The following AIG1 variants were observed in gnomAD, a reference collection of about 807,000 sequenced individuals.
AIG1 encodes androgen-induced gene 1 protein.
AIG1 carries 23 observed loss-of-function variants against 31.4 expected under a neutral mutation model. That is an observed-to-expected ratio of 0.73 (90% CI 0.53 to 1.04). The LOEUF (loss-of-function observed/expected upper bound fraction) is 1.04, where lower values mean the gene tolerates loss of function less well. Ranked by LOEUF, AIG1 falls within the 50% of genes least tolerant of loss-of-function variation. The pLI, the probability that AIG1 is intolerant of heterozygous loss-of-function variation, is 0.00. For missense variants in AIG1, 274 were observed against 295.0 expected (o/e 0.93, Z 0.52); for synonymous variants, 100 against 110.5 (o/e 0.90, Z 0.60).
At chr6:143,232,863 C>T (rs954402651) in intron 3 of AIG1, among the ~76,000 whole-genome samples, 6 of 152,154 alleles carry the variant, frequency 3.9e-5, no homozygotes, top group Non-Finnish European at 4.4e-5. Context: ...CCTATCAGTA[C>T]ATGTTTATGT....
At chr6:143,270,267 C>T (rs1796419876) in intron 3 of AIG1, among the ~76,000 whole-genome samples, 1 of 152,184 alleles carries the variant, frequency 6.6e-6, no homozygotes, top group African/African-American at 2.4e-5. Flanking sequence ...CTCCATTCAT[C>T]TGAGCTCAGC....
chr6:143,230,614 C>T (rs904540186), intron 3 of AIG1, among the ~76,000 whole-genome samples: 1 of 150,214 alleles, frequency 6.7e-6, no homozygotes, highest in Admixed American at 6.7e-5. Context: ...ATATCCTATG[C>T]ATTAATAAGA....
chr6:143,287,199 A>T (rs922813163), intron 4 of AIG1, among the ~76,000 whole-genome samples: 2 of 152,018 alleles, frequency 1.3e-5, no homozygotes, highest in East Asian at 1.9e-4. Flanking sequence ...GACCCTTAGC[A>T]TTCCGGATAC....
intron 4 of AIG1, among the ~76,000 whole-genome samples, chr6:143,287,398 A>C (rs1180374070): frequency 6.6e-6 from 1 of 152,194 alleles, no homozygotes; most frequent in South Asian, 2.1e-4. Flanking sequence ...GTTTAGAAAG[A>C]GTACATGACT....
In AIG1 at chr6:143,129,503, T is replaced by C. The variant is rs562785282; in HGVS notation, c.142-7332T>C. 2.6e-5 allele frequency among the ~76,000 whole-genome samples: 4 copies of C among 152,278 alleles called. No homozygotes were observed. In the South Asian group the frequency reaches 6.2e-4, roughly 24 times the overall value. On this transcript the variant is annotated intron_variant, in intron 1 of 5. Transcript: ENST00000357847. ...GGGACTGCTGTGTTAGATGACACCA[T>C]TGGGTAAGAAGATGAATCAACTGTA...
intron 3 of AIG1, among the ~76,000 whole-genome samples, chr6:143,225,563 T>C (rs561593539): frequency 6.6e-6 from 1 of 152,252 alleles, no homozygotes; most frequent in South Asian, 2.1e-4. Flanking sequence ...TTTACTATTA[T>C]TGACAGTAAA....
intron 1 of AIG1, among the ~76,000 whole-genome samples, chr6:143,131,530 G>T (rs1483001082): frequency 6.6e-6 from 1 of 152,216 alleles, no homozygotes; most frequent in African/African-American, 2.4e-5. Context: ...GAAAGTCAGA[G>T]ATCTGAAGCA....
intron 2 of AIG1, among the ~76,000 whole-genome samples, chr6:143,140,084 A>C (rs1554249031): frequency 2.6e-5 from 4 of 152,228 alleles, no homozygotes; most frequent in Non-Finnish European, 1.5e-5. Flanking sequence ...GGGGAAGCCA[A>C]AGGAGGAGCA....
chr6:143,303,466 C>G (rs1467525362), intron 4 of AIG1, among the ~76,000 whole-genome samples: 1 of 152,100 alleles, frequency 6.6e-6, no homozygotes, highest in African/African-American at 2.4e-5. Flanking sequence ...TTCCCAGCAC[C>G]ATTTATTAAA....
intron 3 of AIG1, among the ~76,000 whole-genome samples, chr6:143,222,627 C>G (rs1223174601): frequency 6.6e-6 from 1 of 152,146 alleles, no homozygotes; most frequent in Non-Finnish European, 1.5e-5. Context: ...AAACTCTCTG[C>G]TACCAATTTC....
At position 143,258,970 on chromosome 6, in the gene AIG1, A is replaced by C. The variant is rs1388599692; in HGVS notation, c.400-25140A>C. ...AGCAGAGGTCAACAGAGACCTTGGC[A>C]AAACCATTTCCAGCAGATGATGGGG... On this transcript the variant is annotated intron_variant, in intron 3 of 5. Transcript: ENST00000357847. This position sits in a 1 kb window ranked among gnomAD's most constrained non-coding sequence, Gnocchi z 4.7. Among the ~76,000 whole-genome samples the C allele has an allele frequency of 6.6e-6, 1 of 152,232 alleles. No individual in the cohort carries two copies. Among genetic ancestry groups the C allele is most frequent in the Non-Finnish European group, 1.5e-5 (1 of 68,046 alleles).
intron 3 of AIG1, among the ~76,000 whole-genome samples, chr6:143,278,614 G>C (rs375524606): frequency 2.8e-4 from 43 of 151,836 alleles, no homozygotes; most frequent in African/African-American, 9.9e-4. Flanking sequence ...GATTACAGGC[G>C]CCTGCCACCA....
intron 3 of AIG1, among the ~76,000 whole-genome samples, chr6:143,234,194 T>C (rs1281900498): frequency 6.6e-6 from 1 of 152,200 alleles, no homozygotes; most frequent in African/African-American, 2.4e-5. Flanking sequence ...ACTTGGACTT[T>C]GACAGTTTTT....
chr6:143,216,541 G>A (rs547066285), intron 3 of AIG1, among the ~76,000 whole-genome samples: 2 of 152,340 alleles, frequency 1.3e-5, no homozygotes, highest in Admixed American at 6.5e-5. Context: ...TTTAGCAGCA[G>A]GACAAGAGCT....
chr6:143,136,209 T>G (rs984832735), intron 1 of AIG1, among the ~76,000 whole-genome samples: 1 of 152,204 alleles, frequency 6.6e-6, no homozygotes, highest in Non-Finnish European at 1.5e-5. Context: ...TAGAAGGTCA[T>G]TTAGTTCAAG....
chr6:143,311,616 G>T (rs1447739884), intron 4 of AIG1, among the ~76,000 whole-genome samples: 1 of 151,584 alleles, frequency 6.6e-6, no homozygotes, highest in East Asian at 1.9e-4. Context: ...ATCCACTTGT[G>T]ATTTAAAGGA....
chr6:143,342,874 C>A, downstream of AIG1: 1 of 852,212 alleles, frequency 1.2e-6, no homozygotes, highest in Non-Finnish European at 2.1e-6. Flanking sequence ...TCCAATGTTG[C>A]TGTCAACATT....
chr6:143,332,202 G>T (rs920619325), intron 4 of AIG1, among the ~76,000 whole-genome samples: 10 of 152,058 alleles, frequency 6.6e-5, no homozygotes, highest in African/African-American at 1.7e-4. Flanking sequence ...AAACCACTTA[G>T]AGTGAAGCCA....
intron 1 of AIG1, among the ~76,000 whole-genome samples, chr6:143,069,157 G>A (rs779315190): frequency 2.0e-5 from 3 of 151,950 alleles, no homozygotes; most frequent in Non-Finnish European, 4.4e-5. Flanking sequence ...TGGGATTACA[G>A]GTGCATGCCG....
Sources: allele counts gnomAD v4.1 joint callset (sites outside exome capture counted in the v4.1 genomes callset), GRCh38; gene constraint gnomAD v4.1.1; non-coding constraint Gnocchi (gnomAD v3.1); transcripts MANE v1.5; gene names NCBI Gene and HGNC (gene_info 2026-07-23, HGNC 2026-07-21).